Variants in CA8 observed in about 807,000 individuals in gnomAD.
The protein encoded by CA8 is carbonic anhydrase 8 (inactive), also known as carbonic anhydrase-related protein.
CA8 carries 22 observed loss-of-function variants against 41.4 expected under a neutral mutation model. The ratio of observed to expected loss-of-function variants is 0.53; its 90% CI spans 0.38 to 0.76. The LOEUF (loss-of-function observed/expected upper bound fraction) is 0.76, where lower values mean the gene tolerates loss of function less well. Among genes scored for constraint, CA8 ranks in the 30% least tolerant of loss-of-function variants. The pLI is 0.00. For missense variants in CA8, 270 were observed against 352.8 expected, an observed-to-expected ratio of 0.77 and a Z score of 1.88; for synonymous variants, 121 against 130.6, an observed-to-expected ratio of 0.93 and a Z score of 0.50.
chr8:60,204,609 C>G (rs1806526073), intron 8 of CA8, among the ~76,000 whole-genome samples: 1 of 152,136 alleles, frequency 6.6e-6, no homozygotes, highest in South Asian at 2.1e-4. Context: ...AATAGGTATT[C>G]TGAGCATCCT....
chr8:60,252,886 G>A (rs1342181705), intron 3 of CA8, among the ~76,000 whole-genome samples: 8 of 151,974 alleles, frequency 5.3e-5, no homozygotes, highest in Admixed American at 2.0e-4. Flanking sequence ...ATTCCAGATA[G>A]GGCTACTCAA....
At chr8:60,191,284 T>C (rs1290092408) in intron 8 of CA8, among the ~76,000 whole-genome samples, 1 of 152,062 alleles carries the variant, frequency 6.6e-6, no homozygotes, top group Non-Finnish European at 1.5e-5. Context: ...CTCACATAGT[T>C]AAAAATATAC....
intron 3 of CA8, among the ~76,000 whole-genome samples, chr8:60,244,019 T>C (rs1201786626): frequency 6.6e-6 from 1 of 152,102 alleles, no homozygotes; most frequent in Non-Finnish European, 1.5e-5. Context: ...ATATCTCCAG[T>C]GGGATATTTT....
chr8:60,256,736 C>T lies in CA8; in HGVS notation c.417+9189G>A, dbSNP rs377601765. 9.2e-5 allele frequency among the ~76,000 whole-genome samples: 14 copies of T among 152,202 alleles called. No individual in the cohort carries two copies. The South Asian group carries it at 2.9e-3, about 32-fold the overall frequency. ...CTTTCTCAAGGCAATATTTATTTTC[C>T]TTGCAAAATACAGTGATAAAACAAA... On this transcript the variant is annotated intron_variant, in intron 3 of 8. Coordinates refer to ENST00000317995, the MANE Select transcript of CA8 (RefSeq NM_004056.6).
At chr8:60,221,562 AC>A (rs1428547398) in intron 7 of CA8, among the ~76,000 whole-genome samples, 1 of 152,204 alleles carries the variant, frequency 6.6e-6, no homozygotes, top group Non-Finnish European at 1.5e-5. Context: ...TCAAACCCAT[AC>A]CCCTAATCTA....
rs1807789750 is a variant in CA8, at chr8:60,235,224, T to C, written c.418-2845A>G. On this transcript the variant is annotated intron_variant, in intron 3 of 8. Transcript: ENST00000317995. ...GGTGTGGGCAGGGCTGGTTCCTTTT[T>C]AGCCCTGACTCCTTGGCTTATAGAT... Among the ~76,000 whole-genome samples, 4 of 152,212 alleles carry C rather than the reference T, an allele frequency of 2.6e-5. 1 individual carries two copies. The highest frequency in any genetic ancestry group is 2.1e-4 in the South Asian group (1 of 4,832).
At chr8:60,192,939 A>ACG (rs1806172958) in intron 8 of CA8, among the ~76,000 whole-genome samples, 1 of 50,924 alleles carries the variant, frequency 2.0e-5, no homozygotes. Flanking sequence ...AACATCATGC[A>ACG]CACACACACA....
chr8:60,275,906 C>T (rs1373908823), intron 2 of CA8, among the ~76,000 whole-genome samples: 2 of 152,150 alleles, frequency 1.3e-5, no homozygotes, highest in Non-Finnish European at 1.5e-5. Flanking sequence ...TCAACTGCAA[C>T]GCTGGAAGCT....
chr8:60,187,235 A>G lies in CA8; in HGVS notation c.*2786T>C. 1 of 152,142 alleles carries G rather than the reference A, an allele frequency of 6.6e-6. No individual in the cohort carries two copies. Among genetic ancestry groups the G allele is most frequent in the Admixed American group, 6.6e-5 (1 of 15,266 alleles). The allele number at this position is 152,142 out of a possible 1,614,324, so 9.4% of individuals were successfully genotyped here. On this transcript the variant is annotated 3_prime_UTR_variant, in exon 9 of 9. Coordinates refer to ENST00000317995, the MANE Select transcript of CA8 (RefSeq NM_004056.6). ...TACTCCTAAATAACCATTGCATCAA[A>G]AAGAAATTAAAAGGCAAAGTATTTT...
At chr8:60,254,618 A>G (rs777615664) in intron 3 of CA8, among the ~76,000 whole-genome samples, 7 of 152,376 alleles carry the variant, frequency 4.6e-5, no homozygotes, top group South Asian at 2.1e-4. Context: ...AGTGCTGTAC[A>G]ACACAAATTT....
At chr8:60,252,667 GC>G (rs1808494413) in intron 3 of CA8, among the ~76,000 whole-genome samples, 1 of 152,144 alleles carries the variant, frequency 6.6e-6, no homozygotes, top group Admixed American at 6.5e-5. Context: ...TACAGGTTGA[GC>G]ATCCCAAATC....
At chr8:60,222,097 G>A (rs1239826320) in intron 7 of CA8, among the ~76,000 whole-genome samples, 1 of 152,152 alleles carries the variant, frequency 6.6e-6, no homozygotes, top group Admixed American at 6.5e-5. Flanking sequence ...TAACATCCCA[G>A]TGACAATTCA....
chr8:60,273,224 G>A (rs946617007), intron 2 of CA8, among the ~76,000 whole-genome samples: 4 of 152,238 alleles, frequency 2.6e-5, no homozygotes, highest in African/African-American at 9.6e-5. Context: ...TGCATGTTAT[G>A]ACTGCAGTAT....
At chr8:60,203,510 T>C (rs991756066) in intron 8 of CA8, among the ~76,000 whole-genome samples, 1 of 152,154 alleles carries the variant, frequency 6.6e-6, no homozygotes, top group Non-Finnish European at 1.5e-5. Flanking sequence ...AAAATAGTAA[T>C]CTCAGTATAA....
chr8:60,222,458 C>T (rs1807285297), intron 7 of CA8, among the ~76,000 whole-genome samples, 191 bp downstream of exon 7: 2 of 152,150 alleles, frequency 1.3e-5, no homozygotes, highest in African/African-American at 4.8e-5. Context: ...AAATATAGAC[C>T]ATAAATTAGT....
chr8:60,207,841 C>T (rs1806685892), intron 8 of CA8, among the ~76,000 whole-genome samples: 1 of 152,146 alleles, frequency 6.6e-6, no homozygotes, highest in African/African-American at 2.4e-5. Context: ...CTGCGGCCTC[C>T]ACCTCCCAGG....
intron 3 of CA8, chr8:60,265,674 AGG>A (rs1803878985): frequency 2.1e-6 from 1 of 472,340 alleles, no homozygotes; most frequent in Non-Finnish European, 3.8e-6. Context: ...TAGTAACACT[AGG>A]GTGAAATTTA....
At chr8:60,206,826 T>A (rs1806601384) in intron 8 of CA8, among the ~76,000 whole-genome samples, 1 of 152,116 alleles carries the variant, frequency 6.6e-6, no homozygotes, top group African/African-American at 2.4e-5. Context: ...CTTTCAACTT[T>A]TCAGACTTCA....
chr8:60,253,724 C>T (rs909518670), intron 3 of CA8, among the ~76,000 whole-genome samples: 5 of 152,196 alleles, frequency 3.3e-5, no homozygotes, highest in African/African-American at 1.2e-4. Flanking sequence ...ACCAGCATTT[C>T]TGCCCTGCCT....
Sources: allele counts gnomAD v4.1 joint callset (sites outside exome capture counted in the v4.1 genomes callset), GRCh38; gene constraint gnomAD v4.1.1; transcripts MANE v1.5; gene names NCBI Gene and HGNC (gene_info 2026-07-23, HGNC 2026-07-21).